NFATC2: variants seen among roughly 807,000 people sequenced by gnomAD.
NFATC2 encodes nuclear factor of activated T cells 2, also known as nuclear factor of activated T-cells, cytoplasmic 2.
In NFATC2, 22 loss-of-function variants were observed where a neutral mutation model predicts 87.3. That is an observed-to-expected ratio of 0.25 (90% CI 0.18 to 0.36). NFATC2 has a LOEUF of 0.36. Ranked by LOEUF, NFATC2 falls within the 10% of genes least tolerant of loss-of-function variation. The pLI is 1.00. For synonymous variants in NFATC2, 565 were observed against 542.2 expected, an observed-to-expected ratio of 1.04 and a Z score of -0.58; for missense variants, 1,149 against 1,259.1, an observed-to-expected ratio of 0.91 and a Z score of 1.32.
chr20:51,496,815 C>T (rs973289187), intron 3 of NFATC2, among the ~76,000 whole-genome samples: 3 of 152,244 alleles, frequency 2.0e-5, no homozygotes, highest in East Asian at 1.9e-4. Flanking sequence ...ATTATTTTCC[C>T]GTCTGTTTCT....
chr20:51,470,079 C>T (rs1988061162), intron 5 of NFATC2, among the ~76,000 whole-genome samples: 1 of 152,076 alleles, frequency 6.6e-6, no homozygotes, highest in Admixed American at 6.6e-5. Context: ...CTGCTCCGTG[C>T]CAAGTGGAGA....
At chr20:51,442,322 C>G (rs542646868) in intron 6 of NFATC2, among the ~76,000 whole-genome samples, 1 of 152,250 alleles carries the variant, frequency 6.6e-6, no homozygotes, top group Non-Finnish European at 1.5e-5. Flanking sequence ...ATTCCAGCTA[C>G]TCAGGAGGCT....
rs1989132177 is a variant in NFATC2, at chr20:51,480,256, C to A, written c.1333-4596G>T. On this transcript the variant is annotated intron_variant, in intron 3 of 10. Transcript: ENST00000371564. This position sits in a 1 kb window ranked among gnomAD's most constrained non-coding sequence, Gnocchi z 4.2. The stretch of plus-strand genomic sequence containing the variant: ...TGAGCCGATATTGCACCACTGCACT[C>A]CCGCCTGGGTCACAAAGCAAGACTC... 2.0e-5 allele frequency among the ~76,000 whole-genome samples: 3 copies of A among 151,572 alleles called. No individual in the cohort carries two copies. The highest frequency in any genetic ancestry group is 6.6e-5 in the Admixed American group (1 of 15,250).
rs181681318 is a variant in NFATC2 at position 51,393,097 on chromosome 20, G to A, written c.*45-1646C>T. Among the ~76,000 whole-genome samples the A allele has an allele frequency of 1.7e-3, 261 of 152,252 alleles. 1 individual carries two copies. Among genetic ancestry groups the A allele is most frequent in the African/African-American group, 5.9e-3 (246 of 41,548 alleles). On this transcript the variant is annotated intron_variant, in intron 10 of 10. Coordinates refer to ENST00000371564, the MANE Select transcript of NFATC2 (RefSeq NM_012340.5). ...TTATGATGGTTAGTAAAATCCCCAT[G>A]CTTCATGTTGGACTCTGAATTCCGT... is the stretch of plus-strand genomic sequence containing the variant.
chr20:51,464,744 G>GCCT, intron 5 of NFATC2, among the ~76,000 whole-genome samples: 1 of 152,242 alleles, frequency 6.6e-6, no homozygotes, highest in Non-Finnish European at 1.5e-5. Flanking sequence ...TTTATAATGA[G>GCCT]ATGATGCCAC....
chr20:51,406,113 T>C (rs1988539813), intron 9 of NFATC2, among the ~76,000 whole-genome samples: 1 of 152,162 alleles, frequency 6.6e-6, no homozygotes, highest in East Asian at 1.9e-4. Context: ...GGTCATCCCA[T>C]GAAGTAGGTA....
chr20:51,474,945 A>G (rs1365201221), intron 4 of NFATC2, among the ~76,000 whole-genome samples: 1 of 151,872 alleles, frequency 6.6e-6, no homozygotes, highest in African/African-American at 2.4e-5. Flanking sequence ...AGGCACATGA[A>G]AATACTGACA....
chr20:51,525,919 A>ACCCACCCCCACC (rs368808702), intron 1 of NFATC2, among the ~76,000 whole-genome samples: 1 of 101,030 alleles, frequency 9.9e-6, no homozygotes, highest in African/African-American at 3.9e-5. Context: ...CCGGCCTGCC[A>ACCCACCCCCACC]CCCACCCCCA....
At chr20:51,509,318 C>T (rs61420120) in intron 3 of NFATC2, among the ~76,000 whole-genome samples, 32,351 of 152,060 alleles carry the variant, frequency 0.21, 3,596 homozygotes, top group Admixed American at 0.29. Flanking sequence ...GCTATCTCCC[C>T]CTAGCCAGCA....
chr20:51,540,655 T>TTTTTTG (rs1411770426), intron 1 of NFATC2, among the ~76,000 whole-genome samples: 1 of 129,284 alleles, frequency 7.7e-6, no homozygotes, highest in Non-Finnish European at 1.6e-5. Flanking sequence ...AAGTTTTTTT[T>TTTTTTG]TTGTTTTTTT....
chr20:51,392,963 C>T (rs1986542053), intron 10 of NFATC2, among the ~76,000 whole-genome samples: 1 of 152,234 alleles, frequency 6.6e-6, no homozygotes. Context: ...ATTTTCTCAT[C>T]TGTAAAGTGG....
chr20:51,549,118 T>C lies in NFATC2; in HGVS notation c.70+13442A>G, dbSNP rs1459179020. 2.0e-5 allele frequency among the ~76,000 whole-genome samples: 3 copies of C among 152,074 alleles called. No homozygotes were observed. The East Asian group carries it at 5.8e-4, about 29-fold the overall frequency. On this transcript the variant is annotated intron_variant, in intron 1 of 10. Coordinates refer to the NFATC2 transcript ENST00000414705. ...GACGGCAATGTGTGACAATTTCACCTGTGAAAACCACAGCACTTCAGCCTA... is the reference window on the plus strand; with the variant it reads ...GACGGCAATGTGTGACAATTTCACCCGTGAAAACCACAGCACTTCAGCCTA...
Position 51,388,596 on chromosome 20 carries a change from T to C in NFATC2, c.*2900A>G, listed in dbSNP as rs1986013543. On this transcript the variant is annotated 3_prime_UTR_variant, in exon 11 of 11. Transcript: ENST00000371564. ...AAATCTAATTCCAACAGGGGTGTAA[T>C]ATTTTGAGGACAGGTAAAAAGCATA... 6.6e-6 allele frequency: 1 copy of C among 152,124 alleles called. No homozygotes were observed. Among genetic ancestry groups the C allele is most frequent in the African/African-American group, 2.4e-5 (1 of 41,400 alleles). 9.4% of individuals were successfully genotyped at this position (152,124 alleles called of 1,614,324 possible). A position where few individuals can be genotyped will look rare whatever the true frequency, so the allele number is the denominator to read the frequency against.
At chr20:51,409,421 AG>A (rs1249156342) in intron 9 of NFATC2, among the ~76,000 whole-genome samples, 1 of 152,262 alleles carries the variant, frequency 6.6e-6, no homozygotes, top group East Asian at 1.9e-4. Context: ...TTACAGCTAA[AG>A]CAAAGACAAT....
At chr20:51,454,960 C>T (rs1022863300) in intron 5 of NFATC2, among the ~76,000 whole-genome samples, 1 of 152,176 alleles carries the variant, frequency 6.6e-6, no homozygotes, top group Admixed American at 6.5e-5. Context: ...TTACAGGAAG[C>T]CAGAGGCTGC....
At chr20:51,414,191 G>GACTGCAAA (rs11473119) in intron 9 of NFATC2, among the ~76,000 whole-genome samples, 1 of 151,536 alleles carries the variant, frequency 6.6e-6, no homozygotes, top group Non-Finnish European at 1.5e-5. Flanking sequence ...GCCAGCCCAG[G>GACTGCAAA]GGCAGTCAGC....
chr20:51,429,861 C>T (rs1043321315), intron 9 of NFATC2, among the ~76,000 whole-genome samples: 12 of 152,288 alleles, frequency 7.9e-5, no homozygotes, highest in African/African-American at 2.4e-4. Flanking sequence ...AATTTCACCT[C>T]GCTCGGTTCT....
At chr20:51,485,233 T>G (rs1043612074) in intron 3 of NFATC2, among the ~76,000 whole-genome samples, 1 of 152,196 alleles carries the variant, frequency 6.6e-6, no homozygotes, top group Non-Finnish European at 1.5e-5. Flanking sequence ...GACCAAACGC[T>G]GCACCCCAGC....
At chr20:51,494,606 G>A (rs549025733) in intron 3 of NFATC2, among the ~76,000 whole-genome samples, 7 of 152,204 alleles carry the variant, frequency 4.6e-5, no homozygotes, top group East Asian at 3.9e-4. Flanking sequence ...GAGAACCCAC[G>A]CGCCTTGAGG....
Sources: gnomAD v4.1 joint callset for allele counts (sites outside exome capture counted in the v4.1 genomes callset) on GRCh38, gnomAD v4.1.1 for gene constraint, Gnocchi (gnomAD v3.1) non-coding constraint, MANE v1.5 for transcripts, NCBI Gene and HGNC (gene_info 2026-07-23, HGNC 2026-07-21) for gene names.